The following ABCB1 variants were observed in gnomAD, a reference collection of about 807,000 sequenced individuals.
ABCB1 encodes the protein ATP-dependent translocase ABCB1.
A neutral mutation model predicts 142.0 loss-of-function variants in ABCB1; 69 were observed. That is an observed-to-expected ratio of 0.49 (90% CI 0.40 to 0.59). ABCB1 has a LOEUF of 0.59. Ranked by LOEUF, ABCB1 falls within the 20% of genes least tolerant of loss-of-function variation. ABCB1 has a pLI of 0.00. For missense variants in ABCB1, 1,326 were observed against 1,554.7 expected, an observed-to-expected ratio of 0.85 and a Z score of 2.47; for synonymous variants, 532 against 539.2, an observed-to-expected ratio of 0.99 and a Z score of 0.18.
chr7:87,682,534 A>C (rs553521945), intron 1 of ABCB1, among the ~76,000 whole-genome samples: 11 of 152,350 alleles, frequency 7.2e-5, no homozygotes, highest in African/African-American at 2.6e-4. Context: ...AAGCCATGAA[A>C]ACAACATTAA....
chr7:87,559,481 T>C (rs1477467539), intron 8 of ABCB1, among the ~76,000 whole-genome samples: 1 of 152,144 alleles, frequency 6.6e-6, no homozygotes, highest in East Asian at 1.9e-4. Context: ...TATAAGTCTT[T>C]TTAAAGAATT....
intron 3 of ABCB1, among the ~76,000 whole-genome samples, chr7:87,594,477 T>C (rs538483996): frequency 2.0e-5 from 3 of 152,290 alleles, no homozygotes; most frequent in African/African-American, 7.2e-5. Flanking sequence ...TGTTAAATTT[T>C]CTAAAATATA....
At chr7:87,628,210 G>A (rs1485933140) in intron 1 of ABCB1, among the ~76,000 whole-genome samples, 1 of 152,220 alleles carries the variant, frequency 6.6e-6, no homozygotes, top group African/African-American at 2.4e-5. Flanking sequence ...GGCAGCTAGC[G>A]GGCTGCGAAA....
intron 1 of ABCB1, among the ~76,000 whole-genome samples, chr7:87,670,661 GT>G (rs1275541043): frequency 5.9e-5 from 9 of 152,170 alleles, no homozygotes; most frequent in African/African-American, 1.7e-4. Flanking sequence ...TCTTTTGGAT[GT>G]TTTCACCAGG....
chr7:87,535,241 A>C (rs1295657786), intron 20 of ABCB1, among the ~76,000 whole-genome samples: 1 of 152,010 alleles, frequency 6.6e-6, no homozygotes, highest in Non-Finnish European at 1.5e-5. Flanking sequence ...AAAACCCTAC[A>C]GTGGTTTTCC....
Position 87,693,307 on chromosome 7 carries a change from A to G in ABCB1, c.-331+19854T>C, listed in dbSNP as rs576337323. On this transcript the variant is annotated intron_variant, in intron 1 of 28. Coordinates refer to the ABCB1 transcript ENST00000265724. ...TTAGTCAACATTGGTTAAACTGACC[A>G]ACATTTTATATAATATCTAAGTGCT... Among the ~76,000 whole-genome samples, 4 of 152,324 alleles carry G rather than the reference A, an allele frequency of 2.6e-5. No individual in the cohort carries two copies. The South Asian group carries it at 8.3e-4, about 32-fold the overall frequency.
Position 87,549,827 on chromosome 7 carries a change from A to G in ABCB1, c.1554+24T>C, listed in dbSNP as rs2235033. 769,407 of 1,612,890 alleles carry G rather than the reference A, an allele frequency of 0.48. 185,247 individuals carry two copies. The highest frequency in any genetic ancestry group is 0.49 in the Non-Finnish European group (578,536 of 1,179,090). Reference sequence around the variant, plus strand: ...CATTTTATTTTTTGCACCTCTAGAAAGGCAAAGGGCAAGGACAACTTACAT... The same window carrying G: ...CATTTTATTTTTTGCACCTCTAGAAGGGCAAAGGGCAAGGACAACTTACAT... On this transcript the variant is annotated intron_variant, in intron 13 of 27. Coordinates refer to ENST00000622132, the MANE Select transcript of ABCB1 (RefSeq NM_001348946.2).
intron 1 of ABCB1, among the ~76,000 whole-genome samples, chr7:87,669,809 C>T (rs1423549266): frequency 6.6e-6 from 1 of 152,168 alleles, no homozygotes; most frequent in Non-Finnish European, 1.5e-5. Context: ...CCAATCTCTT[C>T]TGGCTTGTAG....
intron 1 of ABCB1, among the ~76,000 whole-genome samples, chr7:87,677,240 A>G (rs1826457760): frequency 6.6e-6 from 1 of 151,700 alleles, no homozygotes; most frequent in South Asian, 2.1e-4. Flanking sequence ...GTAGCTGTCA[A>G]CAGAAGGATG....
chr7:87,709,418 T>C, intron 1 of ABCB1: 16 of 985,316 alleles, frequency 1.6e-5, no homozygotes, highest in Non-Finnish European at 1.9e-5. Flanking sequence ...TCTGTTCCAA[T>C]CAGCTACAGC....
In ABCB1 at chr7:87,549,957, G is replaced by A. The variant is rs1816974807; in HGVS notation, c.1448C>T (p.Thr483Met). Residue 483 changes from threonine to methionine, a missense_variant, in exon 13 of 28, where the codon ACG (threonine) becomes ATG (methionine). Thr to Met is a moderately conservative substitution (Grantham distance 81, BLOSUM62 -1). Transcript: ENST00000622132. ...GCCATAGCGAATGTTTTCAGCTATC[G>A]TGGTGGCAAACAATACAGGTTCCTG... is the stretch of plus-strand genomic sequence containing the variant. ...VSQEPVLFAT[T>M]IAENIRYGRE... is the part of the protein sequence containing the mutation. The A allele has an allele frequency of 6.2e-7, 1 of 1,614,156 alleles. No individual in the cohort carries two copies. Among genetic ancestry groups the A allele is most frequent in the Non-Finnish European group, 8.5e-7 (1 of 1,180,028 alleles).
intron 3 of ABCB1, among the ~76,000 whole-genome samples, chr7:87,587,773 G>T (rs1287690518): frequency 2.6e-5 from 4 of 151,754 alleles, no homozygotes; most frequent in Non-Finnish European, 4.4e-5. Context: ...TACTCAGGAG[G>T]CTGAGGCAGG....
At chr7:87,662,286 T>C (rs1232537197) in intron 1 of ABCB1, among the ~76,000 whole-genome samples, 1 of 152,146 alleles carries the variant, frequency 6.6e-6, no homozygotes, top group Non-Finnish European at 1.5e-5. Flanking sequence ...TTTGCTTTGG[T>C]TCCCTGTTCT....
rs199574494 is a variant in ABCB1, at chr7:87,545,036, C to T, written c.1888-37G>A. On this transcript the variant is annotated intron_variant, in intron 15 of 27. Coordinates refer to ENST00000622132, the MANE Select transcript of ABCB1 (RefSeq NM_001348946.2). ...AAGAAATATGCAAAAGCTCATTAGG[C>T]TGTGTGTTAACCAATGAAAGCTAAT... is the stretch of plus-strand genomic sequence containing the variant. The T allele has an allele frequency of 8.8e-6, 14 of 1,589,658 alleles. No homozygotes were observed. The South Asian group carries it at 8.9e-5, about 10-fold the overall frequency.
chr7:87,580,621 T>C (rs2129899450), intron 4 of ABCB1, among the ~76,000 whole-genome samples: 1 of 152,318 alleles, frequency 6.6e-6, no homozygotes, highest in East Asian at 1.9e-4. Flanking sequence ...TCTGTGTTAT[T>C]ACCCTTTTAA....
chr7:87,660,550 T>C (rs1283972282), intron 1 of ABCB1, among the ~76,000 whole-genome samples: 1 of 152,044 alleles, frequency 6.6e-6, no homozygotes, highest in Non-Finnish European at 1.5e-5. Context: ...TCTTTTTTTC[T>C]TAACCAGTAT....
At chr7:87,563,311 T>C in intron 7 of ABCB1, 1 of 440,704 alleles carries the variant, frequency 2.3e-6, no homozygotes, top group Non-Finnish European at 4.6e-6. Context: ...TGACCCATTC[T>C]ATGAGGCCAG....
chr7:87,508,167 T>C (rs1228419152), intron 26 of ABCB1, among the ~76,000 whole-genome samples: 1 of 152,172 alleles, frequency 6.6e-6, no homozygotes, highest in East Asian at 1.9e-4. Flanking sequence ...TTTTGGACTT[T>C]TAATACAGGT....
chr7:87,550,134 G>C (rs776949165), intron 12 of ABCB1, 37 bp downstream of exon 12: 18 of 1,613,994 alleles, frequency 1.1e-5, no homozygotes, highest in Middle Eastern at 1.6e-4. Context: ...TGTGACTGCT[G>C]ATCACCGCAG....
Sources: allele counts gnomAD v4.1 joint callset (sites outside exome capture counted in the v4.1 genomes callset), GRCh38; gene constraint gnomAD v4.1.1; transcripts MANE v1.5; gene names NCBI Gene and HGNC (gene_info 2026-07-23, HGNC 2026-07-21).